Variants in SH2D4A observed in about 807,000 individuals in gnomAD.
SH2D4A encodes the protein SH2 domain-containing protein 4A.
In SH2D4A, 70 loss-of-function variants were observed where a neutral mutation model predicts 64.7. That is an observed-to-expected ratio of 1.08 (90% CI 0.89 to 1.32). The LOEUF is 1.32. SH2D4A is among the 40% of genes most tolerant of loss of function. The probability of loss-of-function intolerance (pLI) is 0.00; values close to 1 mark genes in which losing one functional copy is unlikely to be tolerated. For synonymous variants in SH2D4A, 268 were observed against 200.7 expected, an observed-to-expected ratio of 1.34 and a Z score of -2.83; for missense variants, 706 against 540.1, an observed-to-expected ratio of 1.31 and a Z score of -3.04.
At chr8:19,368,786 A>G (rs1438946174) in intron 7 of SH2D4A, among the ~76,000 whole-genome samples, 3 of 152,108 alleles carry the variant, frequency 2.0e-5, no homozygotes, top group Non-Finnish European at 4.4e-5. Context: ...GCAAACAGAC[A>G]ATTTGAGTTC....
chr8:19,368,620 C>CTTTT (rs34764005), intron 7 of SH2D4A, among the ~76,000 whole-genome samples: 43 of 136,268 alleles, frequency 3.2e-4, no homozygotes, highest in Non-Finnish European at 4.1e-4. Flanking sequence ...AATAAAATTG[C>CTTTT]TTTTTTTTTT....
At chr8:19,342,353 C>T (rs1017748574) in intron 4 of SH2D4A, among the ~76,000 whole-genome samples, 10 of 152,206 alleles carry the variant, frequency 6.6e-5, no homozygotes, top group African/African-American at 2.2e-4. Context: ...CCTCTTTACT[C>T]ACTAGAATTT....
chr8:19,345,850 T>G (rs925984154), intron 4 of SH2D4A, among the ~76,000 whole-genome samples: 2 of 152,222 alleles, frequency 1.3e-5, no homozygotes, highest in Non-Finnish European at 2.9e-5. Flanking sequence ...TACAGAAGAA[T>G]GGAAGACTTG....
At chr8:19,334,521 A>C (rs2052413510) in intron 3 of SH2D4A, among the ~76,000 whole-genome samples, 165 bp from the exon 4 acceptor site, 1 of 152,172 alleles carries the variant, frequency 6.6e-6, no homozygotes, top group African/African-American at 2.4e-5. Context: ...ATGAGGATGA[A>C]GTTAACGTCT....
In SH2D4A at chr8:19,319,809, A is replaced by G. The variant is rs867355667; in HGVS notation, c.181+81A>G. On this transcript the variant is annotated intron_variant, in intron 2 of 9. Coordinates refer to ENST00000265807, the MANE Select transcript of SH2D4A (RefSeq NM_022071.4). ...CTTTGACAATTTCACACTAGTCACA[A>G]GCAAAGCAGGTGCAAGTTCCAGTTT... 3.1e-5 allele frequency: 44 copies of G among 1,406,860 alleles called. No homozygotes were observed. The African/African-American group carries it at 6.0e-4, about 19-fold the overall frequency. The allele number at this position is 1,406,860 out of a possible 1,614,324, so 87.1% of individuals were successfully genotyped here.
At chr8:19,364,323 A>T (rs781294676) in intron 7 of SH2D4A, 41 bp downstream of exon 7, 1 of 1,604,274 alleles carries the variant, frequency 6.2e-7, no homozygotes, top group South Asian at 1.1e-5. Context: ...AAACATTGCA[A>T]TGGGCTTTGA....
chr8:19,371,842 A>G (rs1347032739), intron 7 of SH2D4A, among the ~76,000 whole-genome samples: 3 of 151,888 alleles, frequency 2.0e-5, no homozygotes, highest in Admixed American at 6.6e-5. Flanking sequence ...TGCATTTTTC[A>G]TTTTATTCAT....
At chr8:19,351,227 C>G (rs1330373974) in intron 4 of SH2D4A, among the ~76,000 whole-genome samples, 1 of 152,126 alleles carries the variant, frequency 6.6e-6, no homozygotes, top group Non-Finnish European at 1.5e-5. Flanking sequence ...CTGATTATTT[C>G]AATGACCTGG....
intron 8 of SH2D4A, among the ~76,000 whole-genome samples, chr8:19,385,531 T>A (rs559392643): frequency 2.6e-5 from 4 of 152,296 alleles, no homozygotes; most frequent in African/African-American, 7.2e-5. Context: ...TCTTCCATTT[T>A]TTGATACATC....
chr8:19,351,826 C>A (rs1231694433), intron 4 of SH2D4A, among the ~76,000 whole-genome samples: 1 of 152,030 alleles, frequency 6.6e-6, no homozygotes, highest in Non-Finnish European at 1.5e-5. Flanking sequence ...CTCTGTCGCC[C>A]AGGCTGGAGT....
At chr8:19,387,015 C>T (rs1470849724) in intron 8 of SH2D4A, among the ~76,000 whole-genome samples, 1 of 146,474 alleles carries the variant, frequency 6.8e-6, no homozygotes, top group Non-Finnish European at 1.5e-5. Context: ...ACCACCACAC[C>T]CAGCTAATAG....
At chr8:19,342,482 C>G (rs1353201442) in intron 4 of SH2D4A, among the ~76,000 whole-genome samples, 1 of 152,206 alleles carries the variant, frequency 6.6e-6, no homozygotes, top group Non-Finnish European at 1.5e-5. Flanking sequence ...GCAGATTTGC[C>G]TTAGTGCTGG....
rs138272670 is a variant in SH2D4A, at chr8:19,333,198, T to G, written c.341+84T>G. ...GCAAACACACCTCTTGCTCACAGTA[T>G]CAGGTGGGAGAGTAGGGTTGGGTTG... On this transcript the variant is annotated intron_variant, in intron 3 of 9. Transcript: ENST00000265807. The G allele has an allele frequency of 1.8e-4, 256 of 1,458,594 alleles. No individual in the cohort carries two copies. In the African/African-American group the frequency reaches 2.9e-3, roughly 16 times the overall value. 90.4% of individuals were successfully genotyped at this position (1,458,594 alleles called of 1,614,324 possible). A position where few individuals can be genotyped will look rare whatever the true frequency, so the allele number is the denominator to read the frequency against.
At chr8:19,376,195 T>C (rs1451022484) in intron 8 of SH2D4A, among the ~76,000 whole-genome samples, 1 of 152,086 alleles carries the variant, frequency 6.6e-6, no homozygotes, top group Non-Finnish European at 1.5e-5. Flanking sequence ...CCCATCCAAA[T>C]GCCCCCTGCT....
chr8:19,343,827 T>C (rs757735956), intron 4 of SH2D4A, among the ~76,000 whole-genome samples: 2 of 152,184 alleles, frequency 1.3e-5, no homozygotes, highest in Non-Finnish European at 2.9e-5. Flanking sequence ...CAGTGAGTGC[T>C]CTGTAGGGCA....
Position 19,334,843 on chromosome 8 carries a change from G to A in SH2D4A, c.499G>A (p.Glu167Lys), listed in dbSNP as rs1336674724. The change falls in exon 4 of 10, where the codon GAA becomes AAA. Residue 167 changes from glutamate to lysine, a missense_variant. Physicochemically the swap from Glu to Lys is moderately conservative, Grantham distance 56 (BLOSUM62 1). Transcript: ENST00000265807. Reference protein sequence around the residue: ...QGSRPAPTLEEEKIRSLSSSS... With the variant: ...QGSRPAPTLEKEKIRSLSSSS... ...ATCGAGGCCAGCACCAACCCTGGAA[G>A]AAGAGAAAATCCGAGTGAGTCCTTA... 2 of 1,603,848 alleles carry A rather than the reference G, an allele frequency of 1.2e-6. No individual in the cohort carries two copies. Among genetic ancestry groups the A allele is most frequent in the African/African-American group, 2.7e-5 (2 of 73,974 alleles).
chr8:19,381,808 G>A (rs1463780074), intron 8 of SH2D4A, among the ~76,000 whole-genome samples: 1 of 152,086 alleles, frequency 6.6e-6, no homozygotes, highest in Non-Finnish European at 1.5e-5. Context: ...TATGTTGAGG[G>A]ACTTTCCTTC....
At chr8:19,322,682 G>C (rs6995820) in intron 2 of SH2D4A, among the ~76,000 whole-genome samples, 6,475 of 145,440 alleles carry the variant, frequency 0.045, 161 homozygotes, top group East Asian at 0.057. Flanking sequence ...AGTGGTGTGA[G>C]ATTTCAACTC....
At chr8:19,329,441 C>T (rs2052336247) in intron 2 of SH2D4A, among the ~76,000 whole-genome samples, 1 of 152,068 alleles carries the variant, frequency 6.6e-6, no homozygotes, top group South Asian at 2.1e-4. Context: ...CTTTCCACAA[C>T]TAGAATGTTA....
Sources: allele counts gnomAD v4.1 joint callset (sites outside exome capture counted in the v4.1 genomes callset), GRCh38; gene constraint gnomAD v4.1.1; transcripts MANE v1.5; gene names NCBI Gene and HGNC (gene_info 2026-07-23, HGNC 2026-07-21).